The following MICAL2 variants were observed in gnomAD, a reference collection of about 807,000 sequenced individuals.
MICAL2 encodes the protein microtubule associated monooxygenase, calponin and LIM domain containing 2, also known as [F-actin]-monooxygenase MICAL2.
A neutral mutation model predicts 127.3 loss-of-function variants in MICAL2; 77 were observed. The observed-to-expected ratio is 0.60, with a 90% confidence interval of 0.50 to 0.73. The LOEUF is 0.73. Among genes scored for constraint, MICAL2 ranks in the 30% least tolerant of loss-of-function variants. MICAL2 has a pLI of 0.00. For synonymous variants in MICAL2, 570 were observed against 551.1 expected, an observed-to-expected ratio of 1.03 and a Z score of -0.48; for missense variants, 1,351 against 1,434.4, an observed-to-expected ratio of 0.94 and a Z score of 0.94.
chr11:12,298,336 A>G (rs2134798963), intron 29 of MICAL2, among the ~76,000 whole-genome samples: 1 of 152,042 alleles, frequency 6.6e-6, no homozygotes, highest in South Asian at 2.1e-4. Flanking sequence ...TTGTGTGGTA[A>G]TTTTGTACCC....
At chr11:12,150,977 C>A (rs754052226) in intron 2 of MICAL2, among the ~76,000 whole-genome samples, 1 of 152,086 alleles carries the variant, frequency 6.6e-6, no homozygotes, top group East Asian at 1.9e-4. Flanking sequence ...GTGGGCTCAG[C>A]GCTGTGAGAG....
intron 29 of MICAL2, among the ~76,000 whole-genome samples, chr11:12,304,651 C>CAT (rs200568927): frequency 0.13 from 18,759 of 143,642 alleles, 1,429 homozygotes; most frequent in Admixed American, 0.17. Flanking sequence ...CACACACACA[C>CAT]ACACACACAC....
chr11:12,125,671 C>G (rs76421290), intron 1 of MICAL2, among the ~76,000 whole-genome samples: 6,027 of 152,176 alleles, frequency 0.04, 142 homozygotes, highest in African/African-American at 0.053. Context: ...TTAATGTAAA[C>G]AAAAGGACAC....
At chr11:12,191,522 G>C (rs1051014253) in intron 3 of MICAL2, among the ~76,000 whole-genome samples, 4 of 151,148 alleles carry the variant, frequency 2.6e-5, no homozygotes, top group Admixed American at 1.3e-4. Context: ...CCAGCAATTT[G>C]GGAGGCCAAG....
At chr11:12,200,910 G>T (rs917642672) in intron 3 of MICAL2, among the ~76,000 whole-genome samples, 3 of 152,096 alleles carry the variant, frequency 2.0e-5, no homozygotes. Context: ...CTTCTTTCCT[G>T]CCTCTCTTCA....
intron 15 of MICAL2, among the ~76,000 whole-genome samples, chr11:12,233,684 A>C (rs921780189): frequency 2.6e-5 from 4 of 152,240 alleles, no homozygotes; most frequent in African/African-American, 4.8e-5. Flanking sequence ...ATGATAAGAA[A>C]GTATTCTTAG....
intron 20 of MICAL2, 31 bp from the exon 21 acceptor site, chr11:12,243,956 T>C: frequency 6.2e-7 from 1 of 1,612,310 alleles, no homozygotes; most frequent in Non-Finnish European, 8.5e-7. Context: ...CCTGGGATAA[T>C]CCTTGTTTCT....
At chr11:12,326,798 C>G (rs1864358238) in intron 31 of MICAL2, among the ~76,000 whole-genome samples, 1 of 152,324 alleles carries the variant, frequency 6.6e-6, no homozygotes, top group Middle Eastern at 3.4e-3. Context: ...ACCCCCTACC[C>G]TACTCTGAAC....
At chr11:12,188,212 A>G (rs4757257) in intron 3 of MICAL2, among the ~76,000 whole-genome samples, 18,480 of 152,244 alleles carry the variant, frequency 0.12, 1,328 homozygotes, top group African/African-American at 0.19. Context: ...TACTTTTTAT[A>G]TTGATTACGT....
At chr11:12,207,093 T>C (rs7946515) in intron 4 of MICAL2, among the ~76,000 whole-genome samples, 17,040 of 152,080 alleles carry the variant, frequency 0.11, 1,084 homozygotes, top group African/African-American at 0.17. Flanking sequence ...CCCCCAAGTT[T>C]ATTGGGCTCT....
chr11:12,291,093 A>G (rs1157535587), downstream of MICAL2, among the ~76,000 whole-genome samples: 1 of 151,926 alleles, frequency 6.6e-6, no homozygotes, highest in East Asian at 1.9e-4. Flanking sequence ...AAGAGAGTGG[A>G]CTCGTTCCAC....
intron 2 of MICAL2, among the ~76,000 whole-genome samples, chr11:12,284,211 T>C (rs1475909287): frequency 6.6e-6 from 1 of 152,222 alleles, no homozygotes; most frequent in Non-Finnish European, 1.5e-5. Flanking sequence ...GAGGAATTGA[T>C]ATTTATCCAT....
chr11:12,226,515 C>A, intron 14 of MICAL2, 145 bp downstream of exon 14: 1 of 711,796 alleles, frequency 1.4e-6, no homozygotes, highest in Non-Finnish European at 2.3e-6. Flanking sequence ...AGGGGTGACT[C>A]CACTCACCCA....
Position 12,287,089 on chromosome 11 carries a change from G to C in MICAL2, c.259G>C (p.Ala87Pro), listed in dbSNP as rs186759600. The change falls in exon 3 of 3, where the codon GCT (alanine) becomes CCT (proline). Residue 87 changes from alanine (A) to proline (P), a missense_variant and splice_region_variant. Coordinates refer to the MICAL2 transcript ENST00000529028. ...CCTGTCCCTTTCTTTTTCCACAGCA[G>C]CTCTGCAACGGGCCAATAGCTTCCA... 14 of 398,902 alleles carry C rather than the reference G, an allele frequency of 3.5e-5. No individual in the cohort carries two copies. The Admixed American group carries it at 5.7e-4, about 16-fold the overall frequency. The allele number at this position is 398,902 out of a possible 1,614,324, so 24.7% of individuals were successfully genotyped here. A position where few individuals can be genotyped will look rare whatever the true frequency, so the allele number is the denominator to read the frequency against.
chr11:12,302,991 G>T (rs1682392992), intron 29 of MICAL2, among the ~76,000 whole-genome samples: 1 of 152,176 alleles, frequency 6.6e-6, no homozygotes, highest in Non-Finnish European at 1.5e-5. Context: ...TTACAATCGT[G>T]GTGGAAAGCA....
chr11:12,329,222 G>T (rs1003926896), intron 32 of MICAL2, among the ~76,000 whole-genome samples: 1 of 152,202 alleles, frequency 6.6e-6, no homozygotes, highest in African/African-American at 2.4e-5. Flanking sequence ...TTAGAAATAG[G>T]CTTATTACAA....
At chr11:12,214,620 A>C (rs569363983) in intron 7 of MICAL2, among the ~76,000 whole-genome samples, 2 of 152,376 alleles carry the variant, frequency 1.3e-5, no homozygotes, top group South Asian at 4.1e-4. Flanking sequence ...ATGGTTTTAT[A>C]TATAGGCTGA....
intron 31 of MICAL2, among the ~76,000 whole-genome samples, chr11:12,324,906 C>G (rs1272808442): frequency 3.9e-5 from 6 of 152,102 alleles, no homozygotes; most frequent in Admixed American, 3.3e-4. Context: ...AACAGGTTTC[C>G]TTGAAACACT....
chr11:12,248,872 C>A lies in MICAL2; in HGVS notation c.2785-312C>A, dbSNP rs552416860. 3.6e-5 allele frequency among the ~76,000 whole-genome samples: 5 copies of A among 137,790 alleles called. No individual in the cohort carries two copies. In the East Asian group the frequency reaches 6.1e-4, roughly 17 times the overall value. 90.4% of individuals were successfully genotyped at this position (137,790 alleles called of 152,430 possible). The stretch of plus-strand genomic sequence containing the variant: ...TGGAGGTCTCCTGTGTGCATCCCAG[C>A]TTGGGGGATTTTAATTTGCGTAGTG... On this transcript the variant is annotated intron_variant, in intron 21 of 27. Transcript: ENST00000683283.
Sources: gnomAD v4.1 joint callset for allele counts (sites outside exome capture counted in the v4.1 genomes callset) on GRCh38, gnomAD v4.1.1 for gene constraint, MANE v1.5 for transcripts, NCBI Gene and HGNC (gene_info 2026-07-23, HGNC 2026-07-21) for gene names.